XNDC1N: variants seen among roughly 807,000 people sequenced by gnomAD.
XNDC1N encodes protein XNDC1N.
chr11:71,876,429 C>T, the XNDC1N span, among the ~76,000 whole-genome samples: 1 of 152,168 alleles, frequency 6.6e-6, no homozygotes, highest in Admixed American at 6.5e-5. Flanking sequence ...TACTGGTCCA[C>T]CCCCAGAATG....
At chr11:71,910,527 T>C in the XNDC1N span, among the ~76,000 whole-genome samples, 1 of 152,140 alleles carries the variant, frequency 6.6e-6, no homozygotes, top group Non-Finnish European at 1.5e-5. Context: ...AGGCTGCGTG[T>C]TGCTCCAGTA....
At chr11:71,889,877 G>T in the XNDC1N span, among the ~76,000 whole-genome samples, 1 of 152,128 alleles carries the variant, frequency 6.6e-6, no homozygotes, top group Middle Eastern at 3.2e-3. Context: ...TATCAAACAC[G>T]AACAGAGAAA....
chr11:71,886,391 G>A, the XNDC1N span, among the ~76,000 whole-genome samples: 1 of 152,014 alleles, frequency 6.6e-6, no homozygotes, highest in Non-Finnish European at 1.5e-5. Context: ...ACCCCCAAGA[G>A]TATGGAAGGA....
chr11:71,873,639 G>A, the XNDC1N span, among the ~76,000 whole-genome samples: 1 of 152,122 alleles, frequency 6.6e-6, no homozygotes, highest in Non-Finnish European at 1.5e-5. Context: ...AAAAACAGAG[G>A]CTATGAGGTA....
chr11:71,893,240 G>A, the XNDC1N span, among the ~76,000 whole-genome samples: 41 of 152,280 alleles, frequency 2.7e-4, no homozygotes, highest in African/African-American at 9.4e-4. Context: ...TTCTTCAGTG[G>A]ATTTTCTCTA....
At chr11:71,878,493 T>C in the XNDC1N span, 2 of 1,611,654 alleles carry the variant, frequency 1.2e-6, no homozygotes, top group Non-Finnish European at 1.7e-6. Flanking sequence ...CTTTCCTTGA[T>C]GTCCACAGTT....
the XNDC1N span, among the ~76,000 whole-genome samples, chr11:71,900,767 G>T: frequency 7.9e-4 from 120 of 152,286 alleles, no homozygotes; most frequent in African/African-American, 2.8e-3. Flanking sequence ...TATGCAGCTT[G>T]TTTCATTTCA....
chr11:71,926,287 A>C, the XNDC1N span, among the ~76,000 whole-genome samples: 1 of 152,056 alleles, frequency 6.6e-6, no homozygotes, highest in Non-Finnish European at 1.5e-5. Flanking sequence ...TAAATACATA[A>C]ATAAATAAAC....
At chr11:71,867,394 A>G in the XNDC1N span, among the ~76,000 whole-genome samples, 31 of 152,322 alleles carry the variant, frequency 2.0e-4, no homozygotes, top group South Asian at 8.3e-4. Context: ...CCCAAGACCA[A>G]GGAAAACTGC....
chr11:71,872,064 G>A, the XNDC1N span, among the ~76,000 whole-genome samples: 882 of 147,378 alleles, frequency 6.0e-3, no homozygotes, highest in African/African-American at 0.019. Flanking sequence ...ATATCTATAC[G>A]GAGAAATACT....
the XNDC1N span, among the ~76,000 whole-genome samples, chr11:71,905,731 A>G: frequency 6.6e-6 from 1 of 151,932 alleles, no homozygotes; most frequent in Non-Finnish European, 1.5e-5. Context: ...CCTCTGTGGG[A>G]TATTAGAAGT....
At chr11:71,868,119 T>A in the XNDC1N span, among the ~76,000 whole-genome samples, 2 of 152,214 alleles carry the variant, frequency 1.3e-5, no homozygotes, top group African/African-American at 4.8e-5. Flanking sequence ...CCTGCTTTTT[T>A]GTTTCCCATT....
the XNDC1N span, among the ~76,000 whole-genome samples, chr11:71,906,726 T>C: frequency 3.9e-5 from 6 of 152,110 alleles, no homozygotes. Context: ...CTATAGAAGA[T>C]TACACGTAAT....
At chr11:71,896,483 T>A in the XNDC1N span, among the ~76,000 whole-genome samples, 1 of 152,262 alleles carries the variant, frequency 6.6e-6, no homozygotes, top group Admixed American at 6.5e-5. Context: ...TATTTCCAGA[T>A]GCTTTGGTAA....
chr11:71,893,730 G>T, the XNDC1N span: 12 of 1,249,132 alleles, frequency 9.6e-6, no homozygotes, highest in African/African-American at 1.8e-4. Flanking sequence ...ACATGCAGTC[G>T]CATAGCAGAG....
the XNDC1N span, among the ~76,000 whole-genome samples, chr11:71,908,422 A>T: frequency 6.6e-6 from 1 of 151,894 alleles, no homozygotes; most frequent in South Asian, 2.1e-4. Context: ...GGGTTATTAA[A>T]ATTGATAATT....
At chr11:71,895,052 T>C in the XNDC1N span, among the ~76,000 whole-genome samples, 6,375 of 151,980 alleles carry the variant, frequency 0.042, 191 homozygotes, top group African/African-American at 0.15. Context: ...GAGTTAAAAA[T>C]GATGAGGCCT....
chr11:71,872,968 C>T, the XNDC1N span, among the ~76,000 whole-genome samples: 1 of 152,056 alleles, frequency 6.6e-6, no homozygotes, highest in Non-Finnish European at 1.5e-5. Flanking sequence ...AGTTTATGTT[C>T]CTTTTCTTCC....
At chr11:71,875,963 T>A in the XNDC1N span, among the ~76,000 whole-genome samples, 1 of 152,130 alleles carries the variant, frequency 6.6e-6, no homozygotes, top group Non-Finnish European at 1.5e-5. Flanking sequence ...AGGTGGAGGT[T>A]GCAGTGAGCT....
Sources: allele counts gnomAD v4.1 joint callset (sites outside exome capture counted in the v4.1 genomes callset), GRCh38; gene constraint gnomAD v4.1.1; transcripts MANE v1.5; gene names NCBI Gene and HGNC (gene_info 2026-07-23, HGNC 2026-07-21).